Variants in SEC23B observed in about 807,000 individuals in gnomAD.
SEC23B encodes the protein SEC23 homolog B, COPII component.
In SEC23B, 77 loss-of-function variants were observed where a neutral mutation model predicts 104.3. The observed-to-expected ratio is 0.74, with a 90% CI of 0.61 to 0.89. SEC23B has a LOEUF of 0.89. Ranked by LOEUF, SEC23B falls within the 40% of genes least tolerant of loss-of-function variation. SEC23B has a pLI of 0.00. For synonymous variants in SEC23B, 338 were observed against 332.5 expected (o/e 1.02, Z -0.18); for missense variants, 885 against 949.4 (o/e 0.93, Z 0.89).
intron 9 of SEC23B, among the ~76,000 whole-genome samples, chr20:18,528,182 C>A (rs1001659836): frequency 6.6e-6 from 1 of 152,158 alleles, no homozygotes; most frequent in Non-Finnish European, 1.5e-5. Flanking sequence ...TTACCCAGAC[C>A]TCCTGAATCG....
Position 18,516,534 on chromosome 20 carries a change from CTTTTTTTTTTCTTTTTCTTT to C in SEC23B, c.366+812_366+831del, listed in dbSNP as rs1456197695. Reference sequence around the variant, plus strand: ...TCTTTTTTTTAAACATTTTTGGGCTCTTTTTTTTTTCTTTTTCTTTTTTTTTTTTTCTTCTGAGATGGAGT... The same window carrying C: ...TCTTTTTTTTAAACATTTTTGGGCTCTTTTTTTTTTCTTCTGAGATGGAGT... On this transcript the variant is annotated intron_variant, in intron 4 of 19. Coordinates refer to ENST00000650089, the MANE Select transcript of SEC23B (RefSeq NM_006363.6). Among the ~76,000 whole-genome samples the C allele has an allele frequency of 5.7e-3, 809 of 142,758 alleles. 14 individuals carry two copies. The highest frequency in any genetic ancestry group is 0.02 in the African/African-American group (767 of 38,402). The allele number at this position is 142,758 out of a possible 152,430, so 93.7% of individuals were successfully genotyped here.
chr20:18,560,962 T>A lies in SEC23B; in HGVS notation c.*222T>A, dbSNP rs1450995709. On this transcript the variant is annotated 3_prime_UTR_variant, in exon 20 of 20. Transcript: ENST00000650089. ...TAAATGTTTTGGTACTTGTAGATGTTTATGTGCTTTTTGTATCCTAACTTT... is the reference window on the plus strand; with the variant it reads ...TAAATGTTTTGGTACTTGTAGATGTATATGTGCTTTTTGTATCCTAACTTT... 1.9e-6 allele frequency: 1 copy of A among 531,294 alleles called. No individual in the cohort carries two copies. The highest frequency in any genetic ancestry group is 1.9e-5 in the African/African-American group (1 of 52,386). 32.9% of individuals were successfully genotyped at this position (531,294 alleles called of 1,614,324 possible). A position where few individuals can be genotyped will look rare whatever the true frequency, so the allele number is the denominator to read the frequency against.
intron 4 of SEC23B, among the ~76,000 whole-genome samples, chr20:18,522,829 G>A (rs934100829): frequency 4.0e-5 from 6 of 151,848 alleles, no homozygotes; most frequent in Admixed American, 1.3e-4. Flanking sequence ...GGGCTGAGGC[G>A]GGGGGATCAC....
chr20:18,520,738 G>A (rs2060075063), intron 4 of SEC23B, among the ~76,000 whole-genome samples: 1 of 152,012 alleles, frequency 6.6e-6, no homozygotes, highest in South Asian at 2.1e-4. Flanking sequence ...AGGTAATGTG[G>A]AGTGGGTAGC....
chr20:18,511,881 T>C (rs2059984929), intron 2 of SEC23B, among the ~76,000 whole-genome samples: 1 of 152,170 alleles, frequency 6.6e-6, no homozygotes, highest in East Asian at 1.9e-4. Flanking sequence ...ACAATAAAGA[T>C]GTTAGAAAAA....
intron 19 of SEC23B, 152 bp downstream of exon 19, chr20:18,555,325 G>A (rs1207351384): frequency 2.0e-5 from 14 of 688,400 alleles, no homozygotes; most frequent in Admixed American, 4.6e-5. Flanking sequence ...AGGGAAACAA[G>A]TTGAATAACA....
At position 18,551,137 on chromosome 20, in the gene SEC23B, AT is replaced by A; in HGVS notation, c.1955del (p.Met652ArgfsTer15). 1.2e-6 allele frequency: 2 copies of A among 1,604,526 alleles called. No individual in the cohort carries two copies. The highest frequency in any genetic ancestry group is 1.7e-6 in the Non-Finnish European group (2 of 1,175,280). ...CATTCTAGCTGACAGAATTTTGCTG[AT>A]GGATACTTTCTTTCAAATTGTCATT... The part of the protein sequence containing the change: ...SSILADRILL[M>X]DTFFQIVIYL... On this transcript the variant is annotated frameshift_variant, in exon 17 of 20. Transcript: ENST00000650089. LOFTEE classifies it high-confidence loss of function.
chr20:18,511,103 A>G, intron 2 of SEC23B, 47 bp downstream of exon 2: 1 of 1,420,452 alleles, frequency 7.0e-7, no homozygotes, highest in Non-Finnish European at 1.0e-6. Context: ...ACAATATATT[A>G]TGAATTTTAT....
Position 18,554,341 on chromosome 20 carries a change from C to T in SEC23B, c.2099C>T (p.Ala700Val), listed in dbSNP as rs1285117150. Reference sequence around the variant, plus strand: ...GATGATGCTCAAGAAATTCTGCAAGCACGCTTCCCGATGCCACGTTACATC... The same window carrying T: ...GATGATGCTCAAGAAATTCTGCAAGTACGCTTCCCGATGCCACGTTACATC... Reference protein sequence around the residue: ...PLDDAQEILQARFPMPRYINT... With the variant: ...PLDDAQEILQVRFPMPRYINT... Residue 700 changes from alanine to valine, a missense_variant, in exon 18 of 20, where the codon GCA becomes GTA. Transcript: ENST00000650089. 1 of 1,614,214 alleles carries T rather than the reference C, an allele frequency of 6.2e-7. No individual in the cohort carries two copies. The highest frequency in any genetic ancestry group is 1.1e-5 in the South Asian group (1 of 91,084).
intron 19 of SEC23B, among the ~76,000 whole-genome samples, chr20:18,557,740 CTTTTCTTTTTTTT>C (rs2060453056): frequency 8.5e-6 from 1 of 117,526 alleles, no homozygotes; most frequent in East Asian, 2.7e-4. Context: ...TTTCTTTTTT[CTTTTCTTTTTTTT>C]TTTTTTTTGT....
At chr20:18,537,407 G>A (rs1017470683) in intron 12 of SEC23B, among the ~76,000 whole-genome samples, 4 of 151,576 alleles carry the variant, frequency 2.6e-5, no homozygotes, top group African/African-American at 9.7e-5. Flanking sequence ...ATACTATGCA[G>A]CCATAAAAAA....
At chr20:18,510,797 A>T in intron 1 of SEC23B, 25 bp from the exon 2 acceptor site, 1 of 1,514,542 alleles carries the variant, frequency 6.6e-7, no homozygotes, top group East Asian at 2.2e-5. Flanking sequence ...ACATACCATT[A>T]AGGTAATTAA....
chr20:18,535,487 C>T (rs6081193), intron 11 of SEC23B, among the ~76,000 whole-genome samples, 166 bp from the exon 12 acceptor site: 20 of 151,990 alleles, frequency 1.3e-4, no homozygotes, highest in African/African-American at 4.6e-4. Flanking sequence ...AATGTTAAGC[C>T]TTCATCTGTT....
rs544649982 is a variant in SEC23B, at chr20:18,542,194, C to T, written c.1405-102C>T. 9 of 985,310 alleles carry T rather than the reference C, an allele frequency of 9.1e-6. No homozygotes were observed. The East Asian group carries it at 1.9e-4, about 21-fold the overall frequency. The allele number at this position is 985,310 out of a possible 1,614,324, so 61.0% of individuals were successfully genotyped here. A position where few individuals can be genotyped will look rare whatever the true frequency, so the allele number is the denominator to read the frequency against. On this transcript the variant is annotated intron_variant, in intron 12 of 19. Coordinates refer to ENST00000650089, the MANE Select transcript of SEC23B (RefSeq NM_006363.6). ...CCTTCAAAATGTGTCAAGAACCTTC[C>T]TGTCATTGCTGTGTCAGTCATTTTA...
intron 12 of SEC23B, among the ~76,000 whole-genome samples, chr20:18,541,594 GGA>G (rs2060288482): frequency 6.6e-6 from 1 of 152,204 alleles, no homozygotes; most frequent in African/African-American, 2.4e-5. Context: ...CCAAGGAGGA[GGA>G]GAGAGATGAG....
chr20:18,535,838 A>G (rs1378875060), intron 12 of SEC23B, 96 bp downstream of exon 12: 32 of 932,864 alleles, frequency 3.4e-5, no homozygotes, highest in South Asian at 1.9e-4. Context: ...TCACAAACCA[A>G]TATTCCTTGG....
At chr20:18,530,366 C>T (rs2060172711) in intron 9 of SEC23B, among the ~76,000 whole-genome samples, 1 of 152,004 alleles carries the variant, frequency 6.6e-6, no homozygotes, top group Non-Finnish European at 1.5e-5. Context: ...ATTCTCCTGC[C>T]TCAGCCTCCT....
At chr20:18,542,963 T>C (rs2122125568) in intron 13 of SEC23B, 56 bp from the exon 14 acceptor site, 1 of 1,608,330 alleles carries the variant, frequency 6.2e-7, no homozygotes, top group South Asian at 1.1e-5. Context: ...TGAATGGATG[T>C]CTGGCTTTCT....
In SEC23B at chr20:18,543,046, G is replaced by A. The variant is rs754167982; in HGVS notation, c.1539G>A (p.Arg513=). The A allele has an allele frequency of 1.1e-5, 18 of 1,614,022 alleles. No homozygotes were observed. The highest frequency in any genetic ancestry group is 7.7e-5 in the South Asian group (7 of 91,088). ...GGGCAGATGTACAGAGTCAGCTCAG[G>A]CACATAGAAGCAGCATTTGACCAGG... ...RNWADVQSQL[R]HIEAAFDQEA... is the part of the protein sequence containing the mutation. The change falls in exon 14 of 20, where the codon AGG becomes AGA. Residue 513 remains arginine (R), a synonymous_variant. Transcript: ENST00000650089.
Sources: allele counts gnomAD v4.1 joint callset (sites outside exome capture counted in the v4.1 genomes callset), GRCh38; gene constraint gnomAD v4.1.1; transcripts MANE v1.5; gene names NCBI Gene and HGNC (gene_info 2026-07-23, HGNC 2026-07-21).